The following ANXA7 variants were observed in gnomAD, a reference collection of about 807,000 sequenced individuals.
ANXA7 encodes annexin VII.
Under a neutral mutation model 64.9 loss-of-function variants are expected in ANXA7, and 55 were observed. The ratio of observed to expected loss-of-function variants is 0.85; its 90% CI spans 0.68 to 1.06. The LOEUF (loss-of-function observed/expected upper bound fraction) is 1.06, where lower values mean the gene tolerates loss of function less well. Ranked by LOEUF, ANXA7 falls within the 50% of genes least tolerant of loss-of-function variation. The probability of loss-of-function intolerance (pLI) is 0.00; values close to 1 mark genes in which losing one functional copy is unlikely to be tolerated. For missense variants in ANXA7, 548 were observed against 582.1 expected, an observed-to-expected ratio of 0.94 and a Z score of 0.60; for synonymous variants, 200 against 192.4, an observed-to-expected ratio of 1.04 and a Z score of -0.33.
At chr10:73,390,052 A>C (rs1022335762) in intron 5 of ANXA7, among the ~76,000 whole-genome samples, 1 of 152,216 alleles carries the variant, frequency 6.6e-6, no homozygotes, top group African/African-American at 2.4e-5. Flanking sequence ...TGTTGACCTA[A>C]AATAAAGATT....
chr10:73,378,377 CAAAAAAAAAAA>C (rs755093944), intron 12 of ANXA7, among the ~76,000 whole-genome samples: 4 of 63,152 alleles, frequency 6.3e-5, no homozygotes, highest in Non-Finnish European at 1.5e-4. Flanking sequence ...GACCATGTCT[CAAAAAAAAAAA>C]AAAAAAAAAA....
rs1232989426 is a variant in ANXA7, at chr10:73,383,603, C to A, written c.721G>T (p.Ala241Ser). 6.2e-7 allele frequency: 1 copy of A among 1,613,242 alleles called. No homozygotes were observed. The highest frequency in any genetic ancestry group is 1.7e-5 in the Admixed American group (1 of 59,988). The change falls in exon 8 of 13, where the codon GCC (alanine) becomes TCC (serine). Residue 241 changes from alanine (A) to serine (S), a missense_variant. Physicochemically the swap from Ala to Ser is moderately conservative, Grantham distance 99 (BLOSUM62 1). Coordinates refer to ENST00000372921, the MANE Select transcript of ANXA7 (RefSeq NM_001156.5). The stretch of plus-strand genomic sequence containing the variant: ...TGCATTGCTTTCCGTAAGCTCCAGG[C>A]ATCGTAATACGTAGGAGGCATGAAG... ...ALFMPPTYYD[A>S]WSLRKAMQGA... is the part of the protein sequence containing the mutation.
At chr10:73,383,466 GAAAT>G in intron 8 of ANXA7, 107 bp downstream of exon 8, 1 of 1,259,108 alleles carries the variant, frequency 7.9e-7, no homozygotes, top group South Asian at 1.4e-5. Context: ...TGGATGATGT[GAAAT>G]AAAGAATTGC....
chr10:73,391,192 G>C (rs956923450), intron 5 of ANXA7, among the ~76,000 whole-genome samples: 1 of 150,264 alleles, frequency 6.7e-6, no homozygotes, highest in East Asian at 2.0e-4. Context: ...AAAAAAGAGA[G>C]AAATCAGGAT....
chr10:73,381,925 C>T (rs2055282179), intron 9 of ANXA7, among the ~76,000 whole-genome samples: 1 of 151,630 alleles, frequency 6.6e-6, no homozygotes, highest in Admixed American at 6.6e-5. Flanking sequence ...GTTACCCAGG[C>T]TGGAGTGCAA....
At chr10:73,391,213 G>C (rs1255791442) in intron 5 of ANXA7, among the ~76,000 whole-genome samples, 1 of 150,864 alleles carries the variant, frequency 6.6e-6, no homozygotes, top group Non-Finnish European at 1.5e-5. Flanking sequence ...CTGTGTTCTT[G>C]AGGTTAAATT....
intron 5 of ANXA7, among the ~76,000 whole-genome samples, chr10:73,392,065 T>A (rs2055493467): frequency 6.6e-6 from 1 of 152,088 alleles, no homozygotes; most frequent in South Asian, 2.1e-4. Context: ...GAGAATAGGA[T>A]GAACACCTCT....
intron 12 of ANXA7, among the ~76,000 whole-genome samples, chr10:73,377,882 T>A (rs1427753245): frequency 2.1e-5 from 3 of 146,014 alleles, no homozygotes; most frequent in African/African-American, 7.8e-5. Context: ...TTCACCATGT[T>A]GCCCAGGCTA....
chr10:73,410,762 C>T (rs909448944), intron 1 of ANXA7, among the ~76,000 whole-genome samples: 12 of 136,886 alleles, frequency 8.8e-5, no homozygotes, highest in South Asian at 2.2e-4. Context: ...AGCCTGGCAA[C>T]GAGAGCGAGA....
chr10:73,410,799 A>AT (rs1247085209), intron 1 of ANXA7, among the ~76,000 whole-genome samples: 2 of 150,550 alleles, frequency 1.3e-5, no homozygotes, highest in East Asian at 3.9e-4. Context: ...AAAAAAAAAA[A>AT]AGTCAAAAAA....
chr10:73,407,794 T>C (rs996545477), intron 1 of ANXA7, among the ~76,000 whole-genome samples: 4 of 152,112 alleles, frequency 2.6e-5, no homozygotes, highest in Non-Finnish European at 5.9e-5. Flanking sequence ...GAACACAGGA[T>C]AGAAGCTAAA....
At chr10:73,387,087 G>A (rs949504570) in intron 7 of ANXA7, among the ~76,000 whole-genome samples, 1 of 152,192 alleles carries the variant, frequency 6.6e-6, no homozygotes, top group Non-Finnish European at 1.5e-5. Context: ...CACTGTAACA[G>A]GCAGAAGACT....
chr10:73,389,447 G>A (rs546995806), intron 5 of ANXA7, among the ~76,000 whole-genome samples: 19 of 152,250 alleles, frequency 1.2e-4, no homozygotes, highest in African/African-American at 2.4e-4. Context: ...GTACTATATC[G>A]ATGTTATTTC....
chr10:73,376,062 A>C lies in ANXA7; in HGVS notation c.*33T>G. On this transcript the variant is annotated 3_prime_UTR_variant, in exon 13 of 13. Coordinates refer to ENST00000372921, the MANE Select transcript of ANXA7 (RefSeq NM_001156.5). Reference sequence around the variant, plus strand: ...CTCTGAAGGATAAGCTATGAATAGAAATTTTTTTTCATTAAAAAAAAAAAA... The same window carrying C: ...CTCTGAAGGATAAGCTATGAATAGACATTTTTTTTCATTAAAAAAAAAAAA... 1 of 1,503,890 alleles carries C rather than the reference A, an allele frequency of 6.6e-7. No homozygotes were observed. The highest frequency in any genetic ancestry group is 8.8e-7 in the Non-Finnish European group (1 of 1,130,352). 93.2% of individuals were successfully genotyped at this position (1,503,890 alleles called of 1,614,324 possible). A position where few individuals can be genotyped will look rare whatever the true frequency, so the allele number is the denominator to read the frequency against.
At chr10:73,381,404 A>G (rs2055272886) in intron 9 of ANXA7, 1 of 152,156 alleles carries the variant, frequency 6.6e-6, no homozygotes, top group South Asian at 2.1e-4. Flanking sequence ...TTCTCTCAAA[A>G]ACAGAAAGAC....
intron 5 of ANXA7, among the ~76,000 whole-genome samples, chr10:73,389,095 A>G (rs2055426080): frequency 6.6e-6 from 1 of 152,228 alleles, no homozygotes; most frequent in African/African-American, 2.4e-5. Flanking sequence ...AATTATCACC[A>G]GTAATGGAAT....
At chr10:73,378,491 G>C (rs1390997284) in intron 12 of ANXA7, among the ~76,000 whole-genome samples, 1 of 151,450 alleles carries the variant, frequency 6.6e-6, no homozygotes, top group Admixed American at 6.6e-5. Context: ...CTATACTTGA[G>C]ACAATTATGA....
At position 73,375,479 on chromosome 10, in the gene ANXA7, A is replaced by T. The variant is rs2055155601; in HGVS notation, c.*616T>A. The stretch of plus-strand genomic sequence containing the variant: ...TTTTTTATTTGTCATAACTCAATTT[A>T]AAAAAAGAAAACAACTGCGAAAAAA... On this transcript the variant is annotated 3_prime_UTR_variant, in exon 13 of 13. Transcript: ENST00000372921. 1 of 152,178 alleles carries T rather than the reference A, an allele frequency of 6.6e-6. No individual in the cohort carries two copies. Among genetic ancestry groups the T allele is most frequent in the African/African-American group, 2.4e-5 (1 of 41,446 alleles). 9.4% of individuals were successfully genotyped at this position (152,178 alleles called of 1,614,324 possible). A position where few individuals can be genotyped will look rare whatever the true frequency, so the allele number is the denominator to read the frequency against.
intron 11 of ANXA7, 26 bp from the exon 12 acceptor site, chr10:73,379,049 T>A: frequency 6.6e-7 from 1 of 1,520,102 alleles, no homozygotes; most frequent in South Asian, 1.2e-5. Flanking sequence ...GGTTGAGACA[T>A]GGAATCATGA....
Sources: allele counts gnomAD v4.1 joint callset (sites outside exome capture counted in the v4.1 genomes callset), GRCh38; gene constraint gnomAD v4.1.1; transcripts MANE v1.5; gene names NCBI Gene and HGNC (gene_info 2026-07-23, HGNC 2026-07-21).